The following SEZ6L variants were observed in gnomAD, a reference collection of about 807,000 sequenced individuals.
SEZ6L encodes seizure 6-like protein.
SEZ6L carries 37 observed loss-of-function variants against 106.2 expected under a neutral mutation model. The observed-to-expected ratio is 0.35, with a 90% CI of 0.27 to 0.46. SEZ6L has a LOEUF of 0.46. Ranked by LOEUF, SEZ6L falls within the 20% of genes least tolerant of loss-of-function variation. The probability of loss-of-function intolerance (pLI) is 1.00; values close to 1 mark genes in which losing one functional copy is unlikely to be tolerated. For missense variants in SEZ6L, 1,172 were observed against 1,332.8 expected, an observed-to-expected ratio of 0.88 and a Z score of 1.88; for synonymous variants, 541 against 570.4, an observed-to-expected ratio of 0.95 and a Z score of 0.73.
rs541022500 is a variant in SEZ6L, at chr22:26,208,997, A to G, written c.94+39234A>G. 9.3e-5 allele frequency among the ~76,000 whole-genome samples: 14 copies of G among 151,336 alleles called. 1 individual carries two copies. The highest frequency in any genetic ancestry group is 1.9e-4 in the East Asian group (1 of 5,162). On this transcript the variant is annotated intron_variant, in intron 1 of 16. Coordinates refer to ENST00000248933, the MANE Select transcript of SEZ6L (RefSeq NM_021115.5). ...CAGATTGAATAATTTCTGTTGACCT[A>G]TCTTCGAGTTTATTTACACTTTCCT... is the stretch of plus-strand genomic sequence containing the variant.
At chr22:26,326,443 T>C (rs1221677312) in intron 9 of SEZ6L, among the ~76,000 whole-genome samples, 2 of 152,214 alleles carry the variant, frequency 1.3e-5, no homozygotes, top group East Asian at 3.8e-4. Flanking sequence ...TCACATGGAT[T>C]ACTGTGGTGC....
chr22:26,195,823 A>T (rs1267553865), intron 1 of SEZ6L, among the ~76,000 whole-genome samples: 1 of 151,684 alleles, frequency 6.6e-6, no homozygotes, highest in East Asian at 1.9e-4. Context: ...TGTGTGTGTG[A>T]TTACAAATAG....
At chr22:26,195,307 G>T (rs1348702911) in intron 1 of SEZ6L, among the ~76,000 whole-genome samples, 2 of 152,182 alleles carry the variant, frequency 1.3e-5, no homozygotes, top group Non-Finnish European at 2.9e-5. Flanking sequence ...ATTATATAGT[G>T]ACTTAAAAGC....
intron 1 of SEZ6L, among the ~76,000 whole-genome samples, chr22:26,255,307 C>A (rs1444757017): frequency 1.3e-5 from 2 of 152,162 alleles, no homozygotes; most frequent in African/African-American, 4.8e-5. Context: ...CCTCGGGAGC[C>A]TGGTTAATGC....
In SEZ6L at chr22:26,365,547, G is replaced by T. The variant is rs748780975; in HGVS notation, c.2775G>T (p.Gly925=). Reference sequence around the variant, plus strand: ...TGGGACAGCCATCCCACTGGAACGGGCCCCTGCCCGTGTGTAAAGGTAAAG... The same window carrying T: ...TGGGACAGCCATCCCACTGGAACGGTCCCCTGCCCGTGTGTAAAGGTAAAG... The part of the protein sequence containing the change: ...CILGQPSHWN[G]PLPVCKVNQD... The change falls in exon 13 of 17, where the codon GGG becomes GGT. Residue 925 remains glycine (G), a synonymous_variant. Transcript: ENST00000248933. 1.1e-5 allele frequency: 17 copies of T among 1,613,622 alleles called. No homozygotes were observed. Among genetic ancestry groups the T allele is most frequent in the Admixed American group, 3.3e-5 (2 of 60,002 alleles).
At chr22:26,258,159 A>G (rs2079885317) in intron 1 of SEZ6L, among the ~76,000 whole-genome samples, 1 of 152,208 alleles carries the variant, frequency 6.6e-6, no homozygotes, top group Admixed American at 6.5e-5. Flanking sequence ...AGGAGAAGGT[A>G]CAGCCTCTAC....
At chr22:26,291,396 C>A (rs1276031381) in intron 1 of SEZ6L, among the ~76,000 whole-genome samples, 1 of 151,978 alleles carries the variant, frequency 6.6e-6, no homozygotes, top group Non-Finnish European at 1.5e-5. Context: ...ACAATGAGAA[C>A]ACATGGACAC....
intron 5 of SEZ6L, among the ~76,000 whole-genome samples, chr22:26,301,205 G>T (rs370524510): frequency 1.4e-4 from 22 of 152,212 alleles, no homozygotes; most frequent in East Asian, 1.2e-3. Flanking sequence ...ACAGTCTGGT[G>T]CCCTCTAGTA....
intron 12 of SEZ6L, among the ~76,000 whole-genome samples, chr22:26,353,507 C>T (rs1258832137): frequency 6.6e-6 from 1 of 152,226 alleles, no homozygotes; most frequent in African/African-American, 2.4e-5. Flanking sequence ...TTTATACACA[C>T]ATACTAAACC....
intron 10 of SEZ6L, among the ~76,000 whole-genome samples, chr22:26,343,613 G>A (rs2145996463): frequency 6.6e-6 from 1 of 152,282 alleles, no homozygotes; most frequent in South Asian, 2.1e-4. Context: ...ATATAGAGAT[G>A]AATAGAATAT....
intron 1 of SEZ6L, among the ~76,000 whole-genome samples, chr22:26,200,404 T>C (rs1238220311): frequency 1.3e-5 from 2 of 152,180 alleles, no homozygotes; most frequent in Non-Finnish European, 2.9e-5. Context: ...CCGCTTCTGC[T>C]TTCAAGGGGT....
At chr22:26,250,180 A>G (rs1394548782) in intron 1 of SEZ6L, among the ~76,000 whole-genome samples, 1 of 151,762 alleles carries the variant, frequency 6.6e-6, no homozygotes, top group Non-Finnish European at 1.5e-5. Context: ...ATATAATTCC[A>G]TTTGTCTATT....
At chr22:26,251,978 TG>T in intron 1 of SEZ6L, among the ~76,000 whole-genome samples, 1 of 152,076 alleles carries the variant, frequency 6.6e-6, no homozygotes. Flanking sequence ...TTAAACTCAA[TG>T]GGGCAAAATA....
At chr22:26,305,024 G>A (rs1204967158) in intron 5 of SEZ6L, among the ~76,000 whole-genome samples, 1 of 152,098 alleles carries the variant, frequency 6.6e-6, no homozygotes, top group Non-Finnish European at 1.5e-5. Flanking sequence ...CTACAAACCT[G>A]TACAGCATGT....
chr22:26,367,301 C>T (rs2083850811), intron 13 of SEZ6L, among the ~76,000 whole-genome samples: 3 of 151,894 alleles, frequency 2.0e-5, no homozygotes. Flanking sequence ...TAGTCCCGGC[C>T]CTGTGATCCA....
chr22:26,351,327 A>G, intron 12 of SEZ6L, 84 bp downstream of exon 12: 4 of 1,325,844 alleles, frequency 3.0e-6, no homozygotes, highest in Non-Finnish European at 3.1e-6. Context: ...CTGGGCTGCT[A>G]GGAGGCCTTC....
intron 1 of SEZ6L, among the ~76,000 whole-genome samples, chr22:26,252,106 C>T (rs1196478655): frequency 1.3e-5 from 2 of 152,128 alleles, no homozygotes; most frequent in Non-Finnish European, 2.9e-5. Context: ...AATGCAGACG[C>T]TTGGATCCCA....
intron 1 of SEZ6L, among the ~76,000 whole-genome samples, chr22:26,207,992 C>T (rs1007954497): frequency 1.3e-5 from 2 of 151,490 alleles, no homozygotes; most frequent in African/African-American, 4.9e-5. Context: ...TCACTGCAAG[C>T]TCCGCCTCCC....
chr22:26,235,051 A>G (rs1455208811), intron 1 of SEZ6L, among the ~76,000 whole-genome samples: 5 of 152,180 alleles, frequency 3.3e-5, no homozygotes, highest in South Asian at 4.1e-4. Flanking sequence ...TTGCGTGTTC[A>G]CTGGGAATGG....
Sources: gnomAD v4.1 joint callset for allele counts (sites outside exome capture counted in the v4.1 genomes callset) on GRCh38, gnomAD v4.1.1 for gene constraint, MANE v1.5 for transcripts, NCBI Gene and HGNC (gene_info 2026-07-23, HGNC 2026-07-21) for gene names.